VANGL1: variants seen among roughly 807,000 people sequenced by gnomAD.
VANGL1 encodes vang-like protein 1.
In VANGL1, 18 loss-of-function variants were observed where a neutral mutation model predicts 48.4. That is an observed-to-expected ratio of 0.37 (90% CI 0.26 to 0.55). VANGL1 has a LOEUF of 0.55. VANGL1 is among the 20% of genes least tolerant of loss of function. VANGL1 has a pLI of 0.81. For synonymous variants in VANGL1, 257 were observed against 261.8 expected, an observed-to-expected ratio of 0.98 and a Z score of 0.18; for missense variants, 667 against 675.8, an observed-to-expected ratio of 0.99 and a Z score of 0.14.
intron 2 of VANGL1, among the ~76,000 whole-genome samples, chr1:115,656,265 G>C (rs577189068): frequency 4.7e-4 from 71 of 152,308 alleles, no homozygotes; most frequent in African/African-American, 1.6e-3. Context: ...TTGTGCAGCT[G>C]AGCATTACAC....
chr1:115,647,823 G>C (rs1651996568), intron 1 of VANGL1, among the ~76,000 whole-genome samples: 1 of 152,216 alleles, frequency 6.6e-6, no homozygotes, highest in Non-Finnish European at 1.5e-5. Context: ...GGATACTGGA[G>C]AGCACCTATG....
At chr1:115,687,492 T>A (rs1422536402) in intron 7 of VANGL1, among the ~76,000 whole-genome samples, 2 of 139,030 alleles carry the variant, frequency 1.4e-5, no homozygotes, top group Non-Finnish European at 1.6e-5. Flanking sequence ...TTAAAAATTT[T>A]ATACTTTTCT....
chr1:115,686,198 C>G (rs74117017), intron 7 of VANGL1, among the ~76,000 whole-genome samples: 2,100 of 151,788 alleles, frequency 0.014, 45 homozygotes, highest in African/African-American at 0.048. Flanking sequence ...GGAACTGAAA[C>G]AGTTAATTCA....
intron 3 of VANGL1, among the ~76,000 whole-genome samples, chr1:115,661,016 C>T (rs1262140307): frequency 6.6e-6 from 1 of 152,070 alleles, no homozygotes; most frequent in Admixed American, 6.5e-5. Flanking sequence ...AGCAAAGGCT[C>T]TTCTTTCTCT....
At chr1:115,660,626 A>C (rs17034118) in intron 3 of VANGL1, among the ~76,000 whole-genome samples, 6,767 of 152,308 alleles carry the variant, frequency 0.044, 204 homozygotes, top group East Asian at 0.12. Flanking sequence ...CACATCCTGA[A>C]GTATATATAC....
chr1:115,682,265 T>C, intron 4 of VANGL1, 99 bp from the exon 5 acceptor site: 1 of 1,484,190 alleles, frequency 6.7e-7, no homozygotes, highest in Non-Finnish European at 9.2e-7. Flanking sequence ...TTATCTTTGA[T>C]GTTGTGTTCC....
At position 115,651,422 on chromosome 1, in the gene VANGL1, C is replaced by A. The variant is rs750294518; in HGVS notation, c.9C>A (p.Thr3=). The A allele has an allele frequency of 1.2e-6, 2 of 1,613,896 alleles. No individual in the cohort carries two copies. The highest frequency in any genetic ancestry group is 2.2e-5 in the South Asian group (2 of 91,076). ...GCAAGCCCTCCATTGCTATGGATAC[C>A]GAATCCACTTATTCTGGATATTCTT... is the stretch of plus-strand genomic sequence containing the variant. The part of the protein sequence containing the change: MD[T]ESTYSGYSYY... The change falls in exon 2 of 8, where the codon ACC becomes ACA. Residue 3 remains threonine, a synonymous_variant. Transcript: ENST00000355485.
intron 4 of VANGL1, among the ~76,000 whole-genome samples, chr1:115,680,532 C>T (rs959580184): frequency 1.3e-5 from 2 of 152,182 alleles, no homozygotes; most frequent in East Asian, 1.9e-4. Flanking sequence ...TTGGTCTCAC[C>T]GGATTTCCCC....
intron 2 of VANGL1, among the ~76,000 whole-genome samples, chr1:115,655,770 A>AG (rs1302441196): frequency 1.3e-5 from 2 of 152,196 alleles, no homozygotes; most frequent in Non-Finnish European, 2.9e-5. Flanking sequence ...ACCCTCTCCC[A>AG]GACAGCACTT....
rs150326572 is a variant in VANGL1, at chr1:115,691,145, G to A, written c.1341G>A (p.Ala447=). Residue 447 remains alanine, a synonymous_variant, in exon 8 of 8, where the codon GCG becomes GCA. Coordinates refer to ENST00000355485, the MANE Select transcript of VANGL1 (RefSeq NM_138959.3). ...PKAFLERYLS[A]GPTLQYDKDR... ...CCTTCCTAGAACGGTACCTCAGTGC[G>A]GGCCCCACCCTGCAATATGACAAGG... is the stretch of plus-strand genomic sequence containing the variant. 5.3e-5 allele frequency: 85 copies of A among 1,614,132 alleles called. No homozygotes were observed. The Middle Eastern group carries it at 1.3e-3, about 25-fold the overall frequency.
rs567071635 is a variant in VANGL1, at chr1:115,694,749, G to A, written c.*3370G>A. 29 of 152,138 alleles carry A rather than the reference G, an allele frequency of 1.9e-4. No homozygotes were observed. Among genetic ancestry groups the A allele is most frequent in the Admixed American group, 8.5e-4 (13 of 15,278 alleles). 9.4% of individuals were successfully genotyped at this position (152,138 alleles called of 1,614,324 possible). ...AGTGGGGATGCATATTTGTTTGTGCGTTTTTATTTCCATATATGTGAGCAT... is the reference window on the plus strand; with the variant it reads ...AGTGGGGATGCATATTTGTTTGTGCATTTTTATTTCCATATATGTGAGCAT... On this transcript the variant is annotated 3_prime_UTR_variant, in exon 8 of 8. Transcript: ENST00000355485.
chr1:115,665,289 G>A (rs532807694), intron 4 of VANGL1, among the ~76,000 whole-genome samples: 1 of 152,342 alleles, frequency 6.6e-6, no homozygotes, highest in South Asian at 2.1e-4. Flanking sequence ...CAGAGCCTGG[G>A]ACATTTGACT....
chr1:115,656,852 A>G (rs564171885), intron 2 of VANGL1, among the ~76,000 whole-genome samples: 64 of 152,344 alleles, frequency 4.2e-4, no homozygotes, highest in African/African-American at 1.5e-3. Flanking sequence ...TTTGATTTCC[A>G]GTGGAATTTG....
At chr1:115,645,885 T>G (rs775451990) in intron 1 of VANGL1, among the ~76,000 whole-genome samples, 3 of 152,196 alleles carry the variant, frequency 2.0e-5, no homozygotes, top group Non-Finnish European at 4.4e-5. Context: ...TCTCTTTAAA[T>G]TCAGTGCGTG....
At chr1:115,675,521 C>A (rs188978957) in intron 4 of VANGL1, among the ~76,000 whole-genome samples, 1 of 152,084 alleles carries the variant, frequency 6.6e-6, no homozygotes, top group East Asian at 1.9e-4. Flanking sequence ...AAAAATTGGC[C>A]AGGTTTGGTG....
At chr1:115,654,655 T>C (rs1353125060) in intron 2 of VANGL1, among the ~76,000 whole-genome samples, 2 of 152,200 alleles carry the variant, frequency 1.3e-5, no homozygotes, top group Admixed American at 6.5e-5. Flanking sequence ...CTCTGCCATG[T>C]CACCACAGGC....
At chr1:115,662,961 AT>A (rs1317646442) in intron 3 of VANGL1, among the ~76,000 whole-genome samples, 1 of 151,894 alleles carries the variant, frequency 6.6e-6, no homozygotes, top group Non-Finnish European at 1.5e-5. Context: ...TAATTTTTGT[AT>A]TTTTAGTAGA....
intron 7 of VANGL1, among the ~76,000 whole-genome samples, chr1:115,689,148 A>G (rs1027545813): frequency 7.3e-6 from 1 of 137,450 alleles, no homozygotes; most frequent in Non-Finnish European, 1.6e-5. Context: ...TTTTCCAATA[A>G]TGTTTATTCT....
At chr1:115,652,900 G>A (rs1652206469) in intron 2 of VANGL1, among the ~76,000 whole-genome samples, 1 of 152,088 alleles carries the variant, frequency 6.6e-6, no homozygotes, top group Admixed American at 6.5e-5. Flanking sequence ...TTATCTTTTT[G>A]TACTTGTTCA....
Sources: gnomAD v4.1 joint callset for allele counts (sites outside exome capture counted in the v4.1 genomes callset) on GRCh38, gnomAD v4.1.1 for gene constraint, MANE v1.5 for transcripts, NCBI Gene and HGNC (gene_info 2026-07-23, HGNC 2026-07-21) for gene names.